The following MAP3K13 variants were observed in gnomAD, a reference collection of about 807,000 sequenced individuals.
MAP3K13 encodes the protein mitogen-activated protein kinase kinase kinase 13.
Under a neutral mutation model 104.0 loss-of-function variants are expected in MAP3K13, and 52 were observed. The ratio of observed to expected loss-of-function variants is 0.50; its 90% confidence interval spans 0.40 to 0.63. The LOEUF is 0.63. Ranked by LOEUF, MAP3K13 falls within the 20% of genes least tolerant of loss-of-function variation. The pLI is 0.00. For synonymous variants in MAP3K13, 394 were observed against 442.2 expected (o/e 0.89, Z 1.37); for missense variants, 914 against 1,218.5 (o/e 0.75, Z 3.72).
intron 1 of MAP3K13, among the ~76,000 whole-genome samples, chr3:185,400,901 G>GTTTTTTT (rs1326586136): frequency 1.7e-5 from 1 of 58,140 alleles, no homozygotes; most frequent in African/African-American, 7.1e-5. Context: ...CTGGGTGTTT[G>GTTTTTTT]TTTGTTTTTT....
Position 185,316,286 on chromosome 3 carries a change from G to A in MAP3K13, c.-86+30643G>A, listed in dbSNP as rs375161429. ...AAAGTGTTTGGGAAAGTAAAGGTTA[G>A]GAAATAGTTACAAATTCTTTATGTT... On this transcript the variant is annotated intron_variant, in intron 2 of 14. Coordinates refer to the MAP3K13 transcript ENST00000424227. 4.9e-4 allele frequency among the ~76,000 whole-genome samples: 75 copies of A among 152,220 alleles called. 1 individual carries two copies. The East Asian group carries it at 0.013, about 26-fold the overall frequency.
At chr3:185,454,952 TG>T (rs1274204312) in intron 7 of MAP3K13, among the ~76,000 whole-genome samples, 1 of 104,384 alleles carries the variant, frequency 9.6e-6, no homozygotes, top group African/African-American at 3.6e-5. Flanking sequence ...GAGATATATA[TG>T]ATATATATAT....
rs1560121088 is a variant in MAP3K13, at chr3:185,455,856, G to GATATATATGAGATATATATGAT, written c.1278+4477_1278+4478insTATGATATATATATGAGATATA. 6.0e-5 allele frequency among the ~76,000 whole-genome samples: 7 copies of GATATATATGAGATATATATGAT among 117,542 alleles called. 1 individual carries two copies. The highest frequency in any genetic ancestry group is 1.0e-4 in the African/African-American group (3 of 28,834). The allele number at this position is 117,542 out of a possible 152,430, so 77.1% of individuals were successfully genotyped here. A position where few individuals can be genotyped will look rare whatever the true frequency, so the allele number is the denominator to read the frequency against. On this transcript the variant is annotated intron_variant, in intron 7 of 13. Coordinates refer to ENST00000265026, the MANE Select transcript of MAP3K13 (RefSeq NM_004721.5). ...AGATATATATATGAGATATATATGA[G>GATATATATGAGATATATATGAT]ATATATATGAGATATAGATGAGATA...
At chr3:185,453,423 C>A (rs76454848) in intron 7 of MAP3K13, among the ~76,000 whole-genome samples, 2 of 152,030 alleles carry the variant, frequency 1.3e-5, no homozygotes, top group Non-Finnish European at 2.9e-5. Context: ...CCCTGAAGGG[C>A]GATGAGTTTA....
intron 1 of MAP3K13, among the ~76,000 whole-genome samples, chr3:185,366,530 T>A (rs903029753): frequency 6.6e-6 from 1 of 152,210 alleles, no homozygotes; most frequent in Non-Finnish European, 1.5e-5. Flanking sequence ...TCCAAAGTGG[T>A]TGCACCATTT....
At chr3:185,299,199 AAG>A (rs1233953434) in intron 2 of MAP3K13, among the ~76,000 whole-genome samples, 1 of 152,222 alleles carries the variant, frequency 6.6e-6, no homozygotes, top group African/African-American at 2.4e-5. Flanking sequence ...TGAAATTCCA[AAG>A]AGAGGCAAGC....
intron 2 of MAP3K13, among the ~76,000 whole-genome samples, chr3:185,287,534 A>G (rs955507462): frequency 3.9e-5 from 6 of 152,166 alleles, no homozygotes; most frequent in African/African-American, 1.4e-4. Flanking sequence ...GTCTTCCCAC[A>G]CTTTTATTGT....
intron 2 of MAP3K13, among the ~76,000 whole-genome samples, chr3:185,434,766 A>G (rs990274375): frequency 2.0e-5 from 3 of 152,262 alleles, no homozygotes; most frequent in African/African-American, 2.4e-5. Flanking sequence ...AATGTTTCCA[A>G]TGTTTAACAG....
chr3:185,482,759 T>A lies in MAP3K13; in HGVS notation c.*303T>A, dbSNP rs1718537354. 3.2e-6 allele frequency: 1 copy of A among 308,716 alleles called. No homozygotes were observed. The highest frequency in any genetic ancestry group is 2.1e-5 in the African/African-American group (1 of 47,486). 19.1% of individuals were successfully genotyped at this position (308,716 alleles called of 1,614,324 possible). A position where few individuals can be genotyped will look rare whatever the true frequency, so the allele number is the denominator to read the frequency against. On this transcript the variant is annotated 3_prime_UTR_variant, in exon 14 of 14. Coordinates refer to ENST00000265026, the MANE Select transcript of MAP3K13 (RefSeq NM_004721.5). The surrounding 1 kb of genome is among the most constrained non-coding windows in gnomAD (Gnocchi z 4.5). ...TATTTTTGTTTGACATTTTAACACT[T>A]TGTACTGCAAAGAGTGAACTATATA... is the stretch of plus-strand genomic sequence containing the variant.
chr3:185,395,462 C>G (rs1428023547), intron 1 of MAP3K13, among the ~76,000 whole-genome samples: 1 of 100,280 alleles, frequency 1.0e-5, no homozygotes, highest in Non-Finnish European at 2.1e-5. Flanking sequence ...GGGTTCACGC[C>G]ATTCTCCTGC....
At chr3:185,431,182 C>T (rs532514059) in intron 2 of MAP3K13, among the ~76,000 whole-genome samples, 18 of 152,216 alleles carry the variant, frequency 1.2e-4, no homozygotes, top group South Asian at 8.3e-4. Flanking sequence ...AATTACAATT[C>T]GAGATGAGAT....
intron 1 of MAP3K13, among the ~76,000 whole-genome samples, chr3:185,386,824 C>A (rs768682162): frequency 2.6e-5 from 4 of 152,160 alleles, no homozygotes; most frequent in African/African-American, 9.7e-5. Context: ...ACCACATGTT[C>A]TCACTTATAA....
chr3:185,294,415 ATTAC>A (rs1720847998), intron 2 of MAP3K13, among the ~76,000 whole-genome samples: 1 of 152,202 alleles, frequency 6.6e-6, no homozygotes, highest in Non-Finnish European at 1.5e-5. Flanking sequence ...GTGCCCTGGA[ATTAC>A]TTATTTAAAC....
At chr3:185,422,766 T>C (rs1714205763) in intron 1 of MAP3K13, among the ~76,000 whole-genome samples, 1 of 152,256 alleles carries the variant, frequency 6.6e-6, no homozygotes, top group African/African-American at 2.4e-5. Context: ...TTGTGCTGTA[T>C]AGCAGGGGTT....
intron 2 of MAP3K13, among the ~76,000 whole-genome samples, chr3:185,291,095 T>C (rs1020151972): frequency 7.2e-5 from 11 of 152,262 alleles, no homozygotes; most frequent in African/African-American, 2.4e-4. Context: ...ATTTTTCTAT[T>C]TGAAGGCATT....
rs868017023 is a variant in MAP3K13 at position 185,297,602 on chromosome 3, G to A, written c.-86+11959G>A. 6.9e-4 allele frequency among the ~76,000 whole-genome samples: 105 copies of A among 152,198 alleles called. No individual in the cohort carries two copies. The Middle Eastern group carries it at 0.01, about 15-fold the overall frequency. ...ATACAAAAATCAGCCAGGTGTGGTGGCACATGCCTGTAATCCCAGCTACTC... is the reference window on the plus strand; with the variant it reads ...ATACAAAAATCAGCCAGGTGTGGTGACACATGCCTGTAATCCCAGCTACTC... On this transcript the variant is annotated intron_variant, in intron 2 of 14. Transcript: ENST00000424227.
chr3:185,403,163 C>T (rs557563116), intron 1 of MAP3K13, among the ~76,000 whole-genome samples: 88 of 152,234 alleles, frequency 5.8e-4, no homozygotes, highest in African/African-American at 2.0e-3. Flanking sequence ...AGTAGATAGG[C>T]GTAATCTAAT....
chr3:185,415,530 C>A (rs1244034624), intron 1 of MAP3K13, among the ~76,000 whole-genome samples: 4 of 147,628 alleles, frequency 2.7e-5, no homozygotes, highest in African/African-American at 4.9e-5. Context: ...TCAATGAAAT[C>A]ATCTCCTAAT....
At chr3:185,421,523 G>A (rs115312791) in intron 1 of MAP3K13, among the ~76,000 whole-genome samples, 2,528 of 152,198 alleles carry the variant, frequency 0.017, 61 homozygotes, top group African/African-American at 0.057. Context: ...TTTGATAAGG[G>A]TGCCATTCCA....
Sources: gnomAD v4.1 joint callset for allele counts (sites outside exome capture counted in the v4.1 genomes callset) on GRCh38, gnomAD v4.1.1 for gene constraint, Gnocchi (gnomAD v3.1) non-coding constraint, MANE v1.5 for transcripts, NCBI Gene and HGNC (gene_info 2026-07-23, HGNC 2026-07-21) for gene names.